The following SMAD2 variants were observed in gnomAD, a reference collection of about 807,000 sequenced individuals.
The protein encoded by SMAD2 is SMAD family member 2.
In SMAD2, 8 loss-of-function variants were observed where a neutral mutation model predicts 64.4. The observed-to-expected ratio is 0.12, with a 90% CI of 0.07 to 0.22. SMAD2 has a LOEUF of 0.22. SMAD2 is among the 10% of genes least tolerant of loss of function. SMAD2 has a pLI of 1.00. For missense variants in SMAD2, 289 were observed against 561.2 expected (o/e 0.51, Z 4.90); for synonymous variants, 203 against 195.8 (o/e 1.04, Z -0.31).
intron 7 of SMAD2, among the ~76,000 whole-genome samples, chr18:47,850,333 TATATGTTATATATATTATACATAA>T: frequency 2.0e-5 from 1 of 51,116 alleles, no homozygotes. Context: ...TTATGTATAA[TATATGTTATATATATTATACATAA>T]TATGTATAAT....
At chr18:47,927,717 T>C (rs1021434169) in intron 1 of SMAD2, among the ~76,000 whole-genome samples, 20 of 152,112 alleles carry the variant, frequency 1.3e-4, no homozygotes, top group African/African-American at 3.4e-4. Flanking sequence ...CTGACCAACA[T>C]GGTGAAACCC....
chr18:47,908,690 C>G (rs112060188), intron 1 of SMAD2, among the ~76,000 whole-genome samples: 2,612 of 152,252 alleles, frequency 0.017, 63 homozygotes, highest in African/African-American at 0.059. Context: ...GTAGTACATA[C>G]TGTACTACTG....
intron 2 of SMAD2, among the ~76,000 whole-genome samples, chr18:47,878,932 T>C (rs1235071343): frequency 1.3e-5 from 2 of 152,126 alleles, no homozygotes; most frequent in Non-Finnish European, 2.9e-5. Flanking sequence ...TAAGGGTGTA[T>C]GTGGGCAGCC....
At chr18:47,912,690 C>T (rs1315615470) in intron 1 of SMAD2, among the ~76,000 whole-genome samples, 1 of 152,064 alleles carries the variant, frequency 6.6e-6, no homozygotes, top group Non-Finnish European at 1.5e-5. Context: ...CAGAACAAAA[C>T]CTCTTTTTGA....
chr18:47,843,262 T>C (rs146679027), intron 10 of SMAD2, among the ~76,000 whole-genome samples: 1 of 152,308 alleles, frequency 6.6e-6, no homozygotes, highest in East Asian at 1.9e-4. Context: ...AGCACTTCTG[T>C]TCCCCTGGGT....
intron 5 of SMAD2, 72 bp downstream of exon 5, chr18:47,868,251 A>T: frequency 7.6e-7 from 1 of 1,308,564 alleles, no homozygotes; most frequent in Non-Finnish European, 1.1e-6. Flanking sequence ...ACCACAATTT[A>T]CTAAAACTTG....
intron 2 of SMAD2, among the ~76,000 whole-genome samples, chr18:47,872,732 G>A (rs1022953682): frequency 6.6e-6 from 1 of 152,108 alleles, no homozygotes; most frequent in South Asian, 2.1e-4. Context: ...CACTCCTTAA[G>A]AGAATCTAAC....
intron 1 of SMAD2, among the ~76,000 whole-genome samples, chr18:47,909,315 G>A (rs1450366770): frequency 6.6e-6 from 1 of 152,178 alleles, no homozygotes; most frequent in Non-Finnish European, 1.5e-5. Flanking sequence ...AAAATTTAAT[G>A]AAATCAAAAG....
chr18:47,897,546 CAT>C (rs1340635991), intron 1 of SMAD2, among the ~76,000 whole-genome samples: 3 of 152,162 alleles, frequency 2.0e-5, no homozygotes, highest in Non-Finnish European at 2.9e-5. Flanking sequence ...CAAATATAAA[CAT>C]GTATACATAC....
chr18:47,814,081 C>G lies in SMAD2; in HGVS notation c.*27746G>C, dbSNP rs1053291152. Reference sequence around the variant, plus strand: ...GAAGGATATTCAAGGTACTTAGGACCAGAACAGGCAAAGGCACTGAAGCAA... The same window carrying G: ...GAAGGATATTCAAGGTACTTAGGACGAGAACAGGCAAAGGCACTGAAGCAA... On this transcript the variant is annotated 3_prime_UTR_variant, in exon 11 of 11. Transcript: ENST00000262160. 1.3e-5 allele frequency: 2 copies of G among 152,078 alleles called. No homozygotes were observed. Among genetic ancestry groups the G allele is most frequent in the Non-Finnish European group, 2.9e-5 (2 of 68,026 alleles). 9.4% of individuals were successfully genotyped at this position (152,078 alleles called of 1,614,324 possible).
intron 6 of SMAD2, among the ~76,000 whole-genome samples, chr18:47,852,186 T>C (rs1206453952): frequency 6.6e-6 from 1 of 152,204 alleles, no homozygotes; most frequent in Non-Finnish European, 1.5e-5. Context: ...TTATGTGTAT[T>C]AGGGATGTAA....
Position 47,865,095 on chromosome 18 carries a change from T to G in SMAD2, c.694A>C (p.Thr232Pro). The part of the protein sequence containing the change: ...PPGYISEDGE[T>P]SDQQLNQSMD... Reference sequence around the variant, plus strand: ...CTTTGATTCAACTGTTGGTCACTTGTTTCTCCATCTTCACTGATATATCCA... The same window carrying G: ...CTTTGATTCAACTGTTGGTCACTTGGTTCTCCATCTTCACTGATATATCCA... Residue 232 changes from threonine to proline, a missense_variant, in exon 6 of 11, where the codon ACA becomes CCA. Thr to Pro is a conservative substitution (Grantham distance 38). Coordinates refer to ENST00000262160, the MANE Select transcript of SMAD2 (RefSeq NM_005901.6). The G allele has an allele frequency of 6.2e-7, 1 of 1,611,390 alleles. No homozygotes were observed. The highest frequency in any genetic ancestry group is 1.1e-5 in the South Asian group (1 of 91,018).
chr18:47,885,992 G>A (rs183787924), intron 2 of SMAD2, among the ~76,000 whole-genome samples: 1 of 152,268 alleles, frequency 6.6e-6, no homozygotes, highest in African/African-American at 2.4e-5. Flanking sequence ...GTATATGGTG[G>A]GGGATGTACA....
At chr18:47,866,316 C>CAAAAAAAAAAAAAAAAAAA (rs34302955) in intron 5 of SMAD2, among the ~76,000 whole-genome samples, 2 of 42,100 alleles carry the variant, frequency 4.8e-5, no homozygotes, top group African/African-American at 1.0e-4. Flanking sequence ...AACACCGTCT[C>CAAAAAAAAAAAAAAAAAAA]AAAAAAAAAA....
At chr18:47,856,854 ATTTTTTTTT>A (rs758202544) in intron 6 of SMAD2, among the ~76,000 whole-genome samples, 2 of 123,284 alleles carry the variant, frequency 1.6e-5, no homozygotes, top group Admixed American at 8.8e-5. Flanking sequence ...AACTATGCTA[ATTTTTTTTT>A]TTTTTTTTTT....
chr18:47,816,469 GCTGA>G lies in SMAD2; in HGVS notation c.*25354_*25357del, dbSNP rs1429593687. 2.0e-5 allele frequency: 3 copies of G among 152,170 alleles called. No homozygotes were observed. Among genetic ancestry groups the G allele is most frequent in the Admixed American group, 6.5e-5 (1 of 15,276 alleles). The allele number at this position is 152,170 out of a possible 1,614,324, so 9.4% of individuals were successfully genotyped here. On this transcript the variant is annotated 3_prime_UTR_variant, in exon 11 of 11. Coordinates refer to ENST00000262160, the MANE Select transcript of SMAD2 (RefSeq NM_005901.6). ...ATAACACATATTTTAATGTAATATTGCTGACTAATTTGGCACATTTAATACACGT... is the reference window on the plus strand; with the variant it reads ...ATAACACATATTTTAATGTAATATTGCTAATTTGGCACATTTAATACACGT...
intron 9 of SMAD2, 30 bp downstream of exon 9, chr18:47,845,633 A>G (rs1914423941): frequency 6.2e-7 from 1 of 1,612,580 alleles, no homozygotes. Context: ...AGTTGACATG[A>G]TAGGTTTATG....
chr18:47,892,870 T>A (rs1288540921), intron 2 of SMAD2, among the ~76,000 whole-genome samples: 3 of 152,180 alleles, frequency 2.0e-5, no homozygotes, highest in African/African-American at 7.2e-5. Flanking sequence ...TGAAAATAAA[T>A]TTTGCATTCC....
At chr18:47,863,174 T>G (rs1056506747) in intron 6 of SMAD2, among the ~76,000 whole-genome samples, 6 of 152,210 alleles carry the variant, frequency 3.9e-5, no homozygotes, top group African/African-American at 1.4e-4. Context: ...TGGCCAACTT[T>G]GTTCTAAATT....
Sources: gnomAD v4.1 joint callset for allele counts (sites outside exome capture counted in the v4.1 genomes callset) on GRCh38, gnomAD v4.1.1 for gene constraint, MANE v1.5 for transcripts, NCBI Gene and HGNC (gene_info 2026-07-23, HGNC 2026-07-21) for gene names.